The following GALNT2 variants were observed in gnomAD, a reference collection of about 807,000 sequenced individuals.
GALNT2 encodes the protein polypeptide N-acetylgalactosaminyltransferase 2, also known as UDP-GalNAc:polypeptide N-acetylgalactosaminyltransferase 2.
A neutral mutation model predicts 81.4 loss-of-function variants in GALNT2; 31 were observed. That is an observed-to-expected ratio of 0.38 (90% CI 0.29 to 0.51). The LOEUF is 0.51. Among genes scored for constraint, GALNT2 ranks in the 20% least tolerant of loss-of-function variants. The pLI is 0.87. For synonymous variants in GALNT2, 303 were observed against 287.4 expected, an observed-to-expected ratio of 1.05 and a Z score of -0.55; for missense variants, 629 against 765.7, an observed-to-expected ratio of 0.82 and a Z score of 2.11.
chr1:230,146,879 A>G (rs1661933494), intron 1 of GALNT2, among the ~76,000 whole-genome samples: 1 of 151,954 alleles, frequency 6.6e-6, no homozygotes, highest in South Asian at 2.1e-4. Context: ...AGAACCACGC[A>G]GGGTCCTGTA....
At chr1:230,166,122 A>G (rs1189761773) in intron 1 of GALNT2, among the ~76,000 whole-genome samples, 1 of 85,238 alleles carries the variant, frequency 1.2e-5, no homozygotes, top group Non-Finnish European at 3.7e-5. Flanking sequence ...ACAATTTGTA[A>G]TTAATAAAAA....
intron 2 of GALNT2, among the ~76,000 whole-genome samples, chr1:230,185,983 A>G (rs1276538431): frequency 1.3e-5 from 2 of 152,140 alleles, no homozygotes; most frequent in Non-Finnish European, 2.9e-5. Flanking sequence ...CACCTGTCCA[A>G]TTTGGGGGGC....
chr1:230,200,731 C>A (rs944568317), intron 2 of GALNT2, among the ~76,000 whole-genome samples: 14 of 152,222 alleles, frequency 9.2e-5, no homozygotes, highest in Admixed American at 3.3e-4. Context: ...ACTTTGCTGT[C>A]CCCAGCACGC....
intron 9 of GALNT2, among the ~76,000 whole-genome samples, chr1:230,249,993 T>A (rs867977353): frequency 6.6e-6 from 1 of 152,148 alleles, no homozygotes; most frequent in Non-Finnish European, 1.5e-5. Flanking sequence ...GTGGGTTCCC[T>A]TGTAGGAGGT....
At chr1:230,262,510 G>A (rs1194595344) in intron 11 of GALNT2, 63 bp from the exon 12 acceptor site, 4 of 1,411,374 alleles carry the variant, frequency 2.8e-6, no homozygotes, top group Non-Finnish European at 4.0e-6. Context: ...GCAGACAGGT[G>A]CAAATGGAGT....
intron 2 of GALNT2, among the ~76,000 whole-genome samples, chr1:230,198,668 T>C (rs948538079): frequency 6.6e-6 from 1 of 152,162 alleles, no homozygotes; most frequent in Admixed American, 6.5e-5. Flanking sequence ...CGGCATGGGG[T>C]CGCAGACAGG....
intron 1 of GALNT2, among the ~76,000 whole-genome samples, chr1:230,087,926 C>G (rs1016034005): frequency 6.6e-6 from 1 of 152,108 alleles, no homozygotes; most frequent in African/African-American, 2.4e-5. Context: ...ATAATAAAAA[C>G]GATGAACAGC....
At chr1:230,194,308 G>T (rs72760099) in intron 2 of GALNT2, among the ~76,000 whole-genome samples, 9,525 of 152,246 alleles carry the variant, frequency 0.063, 937 homozygotes, top group East Asian at 0.37. Flanking sequence ...AGGACAGTGG[G>T]CAGGGATGCG....
At chr1:230,060,092 G>A (rs1315619401) in intron 1 of GALNT2, among the ~76,000 whole-genome samples, 1 of 152,082 alleles carries the variant, frequency 6.6e-6, no homozygotes, top group Non-Finnish European at 1.5e-5. Flanking sequence ...TAGATATCAT[G>A]TCTCTTCAGG....
intron 3 of GALNT2, among the ~76,000 whole-genome samples, chr1:230,219,382 G>A (rs539018350): frequency 3.0e-4 from 46 of 152,106 alleles, no homozygotes; most frequent in Non-Finnish European, 5.4e-4. Flanking sequence ...CTTGGCCAAC[G>A]TGTACTGGCG....
intron 1 of GALNT2, among the ~76,000 whole-genome samples, chr1:230,061,868 T>A (rs1314512905): frequency 6.6e-6 from 1 of 152,236 alleles, no homozygotes; most frequent in Non-Finnish European, 1.5e-5. Context: ...CAGCAAACCT[T>A]CTACACAAGT....
chr1:230,252,603 A>G (rs776180495), intron 10 of GALNT2, among the ~76,000 whole-genome samples: 8 of 152,190 alleles, frequency 5.3e-5, no homozygotes, highest in Non-Finnish European at 7.4e-5. Context: ...CTAATTAAAA[A>G]GCCATTGAGT....
chr1:230,109,949 G>A (rs979007998), intron 1 of GALNT2, among the ~76,000 whole-genome samples: 1 of 152,180 alleles, frequency 6.6e-6, no homozygotes, highest in Admixed American at 6.5e-5. Context: ...GGACGCGTAG[G>A]TCTCTCAAGT....
At chr1:230,097,679 C>T (rs1660290742) in intron 1 of GALNT2, among the ~76,000 whole-genome samples, 1 of 152,094 alleles carries the variant, frequency 6.6e-6, no homozygotes. Context: ...TGGGTTGTTT[C>T]CGCTTTCTGG....
intron 1 of GALNT2, among the ~76,000 whole-genome samples, chr1:230,059,775 T>G (rs1659000819): frequency 6.6e-6 from 1 of 152,206 alleles, no homozygotes; most frequent in African/African-American, 2.4e-5. Flanking sequence ...TAAAATATTT[T>G]GCCACTTTTT....
intron 1 of GALNT2, among the ~76,000 whole-genome samples, chr1:230,171,923 C>T: frequency 6.6e-6 from 1 of 152,276 alleles, no homozygotes; most frequent in Non-Finnish European, 1.5e-5. Context: ...CCCTGCCCCC[C>T]ACCCCTGTCC....
chr1:230,281,494 G>C lies in GALNT2; in HGVS notation c.*2036G>C, dbSNP rs939873055. 1 of 152,196 alleles carries C rather than the reference G, an allele frequency of 6.6e-6. No homozygotes were observed. The highest frequency in any genetic ancestry group is 2.4e-5 in the African/African-American group (1 of 41,420). The allele number at this position is 152,196 out of a possible 1,614,324, so 9.4% of individuals were successfully genotyped here. ...TCTTCTGTCAGACCCTGTGACCTGC[G>C]AGCTGCTACTACTGTAAGGAGGGAA... On this transcript the variant is annotated 3_prime_UTR_variant, in exon 16 of 16. Coordinates refer to ENST00000366672, the MANE Select transcript of GALNT2 (RefSeq NM_004481.5).
intron 2 of GALNT2, among the ~76,000 whole-genome samples, chr1:230,192,843 C>G (rs183714087): frequency 2.0e-5 from 3 of 152,146 alleles, no homozygotes; most frequent in African/African-American, 7.2e-5. Context: ...TTTCAAGAGA[C>G]GGTTTCTCAC....
chr1:230,169,011 C>T (rs1209250830), intron 1 of GALNT2, among the ~76,000 whole-genome samples: 1 of 152,080 alleles, frequency 6.6e-6, no homozygotes, highest in Non-Finnish European at 1.5e-5. Context: ...TTTGAGGAGG[C>T]TTGGTCAGGG....
Sources: gnomAD v4.1 joint callset for allele counts (sites outside exome capture counted in the v4.1 genomes callset) on GRCh38, gnomAD v4.1.1 for gene constraint, MANE v1.5 for transcripts, NCBI Gene and HGNC (gene_info 2026-07-23, HGNC 2026-07-21) for gene names.